The following HCN1 variants were observed in gnomAD, a reference collection of about 807,000 sequenced individuals.
The protein encoded by HCN1 is potassium/sodium hyperpolarization-activated cyclic nucleotide-gated channel 1.
Under a neutral mutation model 78.9 loss-of-function variants are expected in HCN1, and 13 were observed. The ratio of observed to expected loss-of-function variants is 0.16; its 90% CI spans 0.11 to 0.26. The LOEUF (loss-of-function observed/expected upper bound fraction) is 0.26. Ranked by LOEUF, HCN1 falls within the 10% of genes least tolerant of loss-of-function variation. HCN1 has a pLI of 1.00. For missense variants in HCN1, 810 were observed against 1,154.3 expected (o/e 0.70, Z 4.32); for synonymous variants, 552 against 455.5 (o/e 1.21, Z -2.70).
intron 4 of HCN1, among the ~76,000 whole-genome samples, chr5:45,364,394 A>T (rs1344898356): frequency 1.3e-5 from 2 of 151,976 alleles, no homozygotes; most frequent in African/African-American, 4.8e-5. Flanking sequence ...GGGCACATCA[A>T]ACGCAAAATT....
chr5:45,496,318 G>A (rs1341163865), intron 2 of HCN1, among the ~76,000 whole-genome samples: 11 of 151,548 alleles, frequency 7.3e-5, no homozygotes, highest in Admixed American at 7.2e-4. Flanking sequence ...CTTCTTCCTG[G>A]TTTAGTCTTG....
intron 2 of HCN1, among the ~76,000 whole-genome samples, chr5:45,638,134 A>G (rs1745390762): frequency 6.6e-6 from 1 of 152,166 alleles, no homozygotes; most frequent in African/African-American, 2.4e-5. Context: ...AGAAATTAAA[A>G]GAGAAGGAGA....
intron 3 of HCN1, among the ~76,000 whole-genome samples, chr5:45,409,095 T>C (rs1461297784): frequency 6.6e-6 from 1 of 152,058 alleles, no homozygotes; most frequent in East Asian, 1.9e-4. Context: ...ATATGATAGA[T>C]GGTACAATGT....
At chr5:45,306,927 C>T (rs181529649) in intron 5 of HCN1, among the ~76,000 whole-genome samples, 1 of 152,122 alleles carries the variant, frequency 6.6e-6, no homozygotes, top group East Asian at 1.9e-4. Context: ...TTTATGTTGG[C>T]ACTTTAAAAA....
rs991871726 is a variant in HCN1, at chr5:45,396,774, G to A, written c.1012-64C>T. On this transcript the variant is annotated intron_variant, in intron 3 of 7. Coordinates refer to ENST00000303230, the MANE Select transcript of HCN1 (RefSeq NM_021072.4). ...AGGATGGCAGAATGAAAAGTGAGTA[G>A]GACCTGTACACAGAAGCATTATAAA... 3 of 1,180,396 alleles carry A rather than the reference G, an allele frequency of 2.5e-6. No individual in the cohort carries two copies. In the African/African-American group the frequency reaches 4.5e-5, roughly 18 times the overall value. The allele number at this position is 1,180,396 out of a possible 1,614,324, so 73.1% of individuals were successfully genotyped here.
intron 2 of HCN1, among the ~76,000 whole-genome samples, chr5:45,528,785 T>C (rs987857572): frequency 6.6e-6 from 1 of 151,982 alleles, no homozygotes; most frequent in Non-Finnish European, 1.5e-5. Context: ...TTGCTTGTGA[T>C]TTTGAGTCTC....
intron 2 of HCN1, among the ~76,000 whole-genome samples, chr5:45,600,446 T>C (rs1406252821): frequency 2.6e-5 from 4 of 152,204 alleles, no homozygotes; most frequent in Non-Finnish European, 4.4e-5. Flanking sequence ...AATTTTCATA[T>C]GTGATAAAAT....
chr5:45,589,950 C>T (rs1744325873), intron 2 of HCN1, among the ~76,000 whole-genome samples: 1 of 152,122 alleles, frequency 6.6e-6, no homozygotes, highest in Non-Finnish European at 1.5e-5. Flanking sequence ...CTTGACACTA[C>T]CTAGTCTATT....
chr5:45,394,739 C>T (rs1273007856), intron 4 of HCN1, among the ~76,000 whole-genome samples: 1 of 151,928 alleles, frequency 6.6e-6, no homozygotes, highest in Non-Finnish European at 1.5e-5. Flanking sequence ...TCATTTGAAC[C>T]CCGAAGGTAG....
chr5:45,679,058 T>TA (rs1739653710), intron 1 of HCN1, among the ~76,000 whole-genome samples: 1 of 151,932 alleles, frequency 6.6e-6, no homozygotes, highest in Non-Finnish European at 1.5e-5. Context: ...TAAAAGTGTA[T>TA]AAATTTAAAA....
At chr5:45,301,193 A>G (rs1355711846) in intron 6 of HCN1, among the ~76,000 whole-genome samples, 1 of 151,986 alleles carries the variant, frequency 6.6e-6, no homozygotes, top group African/African-American at 2.4e-5. Context: ...TCATTTCAAA[A>G]GTTAGCAGAA....
intron 2 of HCN1, among the ~76,000 whole-genome samples, chr5:45,486,125 C>T (rs192636058): frequency 1.1e-4 from 17 of 152,194 alleles, no homozygotes; most frequent in Admixed American, 9.2e-4. Flanking sequence ...ATGTTCTAGG[C>T]TTCACAAAAT....
chr5:45,341,098 G>A (rs1746570484), intron 5 of HCN1, among the ~76,000 whole-genome samples: 1 of 151,960 alleles, frequency 6.6e-6, no homozygotes, highest in Non-Finnish European at 1.5e-5. Context: ...TCCTGATACT[G>A]TTTTGTAAAG....
chr5:45,667,743 AT>A (rs1461803447), intron 1 of HCN1, among the ~76,000 whole-genome samples: 17 of 152,022 alleles, frequency 1.1e-4, no homozygotes, highest in Non-Finnish European at 2.2e-4. Flanking sequence ...ATTAAGCTTT[AT>A]AGCTCTCTTG....
intron 6 of HCN1, among the ~76,000 whole-genome samples, chr5:45,279,632 T>G (rs942122580): frequency 3.9e-5 from 6 of 152,062 alleles, no homozygotes; most frequent in Non-Finnish European, 7.4e-5. Flanking sequence ...AATACCATAA[T>G]AAAATCTCAT....
At chr5:45,291,810 A>C (rs1201495842) in intron 6 of HCN1, among the ~76,000 whole-genome samples, 1 of 152,054 alleles carries the variant, frequency 6.6e-6, no homozygotes, top group African/African-American at 2.4e-5. Flanking sequence ...GAATACAGGC[A>C]CAAGCCACCA....
In HCN1 at chr5:45,336,329, T is replaced by C. The variant is rs190623303; in HGVS notation, c.1377+16771A>G. 2.5e-3 allele frequency among the ~76,000 whole-genome samples: 380 copies of C among 152,194 alleles called. 2 individuals carry two copies. Among genetic ancestry groups the C allele is most frequent in the Middle Eastern group, 0.024 (7 of 294 alleles). On this transcript the variant is annotated intron_variant, in intron 5 of 7. Coordinates refer to ENST00000303230, the MANE Select transcript of HCN1 (RefSeq NM_021072.4). ...TAAAATGCTATGTTTTGGGGTAACATCTTAAGAATTTTCCTCAGAAAACTG... is the reference window on the plus strand; with the variant it reads ...TAAAATGCTATGTTTTGGGGTAACACCTTAAGAATTTTCCTCAGAAAACTG...
chr5:45,317,913 C>A (rs1435582084), intron 5 of HCN1, among the ~76,000 whole-genome samples: 1 of 152,080 alleles, frequency 6.6e-6, no homozygotes, highest in Non-Finnish European at 1.5e-5. Context: ...AGTCAGGAAA[C>A]AACAGGTGCT....
intron 6 of HCN1, among the ~76,000 whole-genome samples, chr5:45,295,083 C>T (rs1745461427): frequency 6.6e-6 from 1 of 151,952 alleles, no homozygotes. Context: ...TCCTTGAGCA[C>T]CCCAACACTC....
Sources: gnomAD v4.1 joint callset for allele counts (sites outside exome capture counted in the v4.1 genomes callset) on GRCh38, gnomAD v4.1.1 for gene constraint, MANE v1.5 for transcripts, NCBI Gene and HGNC (gene_info 2026-07-23, HGNC 2026-07-21) for gene names.